LYST: variants seen among roughly 807,000 people sequenced by gnomAD.
LYST encodes lysosomal trafficking regulator.
A neutral mutation model predicts 413.6 loss-of-function variants in LYST; 192 were observed. That is an observed-to-expected ratio of 0.46 (90% CI 0.41 to 0.52). LYST has a LOEUF of 0.52. Ranked by LOEUF, LYST falls within the 20% of genes least tolerant of loss-of-function variation. LYST has a pLI of 0.00. For synonymous variants in LYST, 1,525 were observed against 1,567.3 expected, an observed-to-expected ratio of 0.97 and a Z score of 0.64; for missense variants, 3,815 against 4,499.9, an observed-to-expected ratio of 0.85 and a Z score of 4.35.
chr1:235,755,456 G>A (rs756335976), intron 25 of LYST, 22 bp downstream of exon 25: 8 of 1,574,550 alleles, frequency 5.1e-6, no homozygotes, highest in Non-Finnish European at 5.2e-6. Flanking sequence ...CCCAATTATA[G>A]TGGAGGGAAG....
At chr1:235,772,546 A>G (rs1366821508) in intron 19 of LYST, among the ~76,000 whole-genome samples, 1 of 152,186 alleles carries the variant, frequency 6.6e-6, no homozygotes, top group Non-Finnish European at 1.5e-5. Flanking sequence ...GAAAGGAAAC[A>G]ACCCTATACT....
At position 235,757,828 on chromosome 1, in the gene LYST, T is replaced by C. The variant is rs557187959; in HGVS notation, c.6882-370A>G. Among the ~76,000 whole-genome samples, 4 of 152,138 alleles carry C rather than the reference T, an allele frequency of 2.6e-5. No individual in the cohort carries two copies. The East Asian group carries it at 5.8e-4, about 22-fold the overall frequency. On this transcript the variant is annotated intron_variant, in intron 23 of 52. Transcript: ENST00000389793. ...TATTAGACAGCATGAATAAAACATG[T>C]CCATCATTGCAGAAAGTTTCACTGG...
intron 1 of LYST, among the ~76,000 whole-genome samples, chr1:235,865,352 T>G (rs1217785459): frequency 6.6e-6 from 1 of 152,160 alleles, no homozygotes; most frequent in Non-Finnish European, 1.5e-5. Flanking sequence ...GCTTTTTCTC[T>G]GTAGTACTTA....
chr1:235,796,575 C>G (rs1671574981), intron 10 of LYST, among the ~76,000 whole-genome samples: 1 of 152,136 alleles, frequency 6.6e-6, no homozygotes, highest in Non-Finnish European at 1.5e-5. Flanking sequence ...AATTTGGTTG[C>G]CATTGTGGTA....
chr1:235,801,421 C>CCA (rs1480624297), intron 8 of LYST, among the ~76,000 whole-genome samples: 5 of 151,544 alleles, frequency 3.3e-5, no homozygotes, highest in African/African-American at 1.2e-4. Context: ...TCTGACCCCC[C>CCA]CCTCAAATAC....
chr1:235,875,519 C>T (rs1261790538), intron 1 of LYST, among the ~76,000 whole-genome samples: 3 of 152,130 alleles, frequency 2.0e-5, no homozygotes, highest in Non-Finnish European at 2.9e-5. Flanking sequence ...AAGGACCAGA[C>T]ACCAAAGGAT....
intron 38 of LYST, among the ~76,000 whole-genome samples, chr1:235,727,268 G>A (rs1371083438): frequency 3.3e-5 from 5 of 151,360 alleles, no homozygotes; most frequent in Admixed American, 6.6e-5. Flanking sequence ...GATTATAGGC[G>A]CCACCACCAC....
chr1:235,668,910 A>G (rs1658707948), intron 50 of LYST, among the ~76,000 whole-genome samples: 1 of 152,364 alleles, frequency 6.6e-6, no homozygotes, highest in East Asian at 1.9e-4. Context: ...AAATGTTTTC[A>G]TGACATTATT....
intron 2 of LYST, among the ~76,000 whole-genome samples, chr1:235,832,890 G>A (rs191990716): frequency 9.2e-5 from 14 of 152,060 alleles, no homozygotes; most frequent in East Asian, 3.9e-4. Context: ...TTTGTTTTCC[G>A]TAACATATTC....
At chr1:235,728,550 C>G (rs1213700469) in intron 37 of LYST, among the ~76,000 whole-genome samples, 1 of 152,160 alleles carries the variant, frequency 6.6e-6, no homozygotes, top group Admixed American at 6.5e-5. Context: ...AAAGGGAAAT[C>G]CTTAATTATT....
intron 41 of LYST, 124 bp downstream of exon 41, chr1:235,716,584 TTGTC>T: frequency 1.6e-6 from 1 of 633,598 alleles, no homozygotes; most frequent in South Asian, 2.0e-5. Flanking sequence ...TGATTTCTAG[TTGTC>T]TGTCAATCCT....
chr1:235,692,515 G>A (rs374263042), intron 47 of LYST, among the ~76,000 whole-genome samples: 2 of 151,740 alleles, frequency 1.3e-5, no homozygotes, highest in African/African-American at 4.8e-5. Flanking sequence ...TGAGTAGCTG[G>A]AATTACAGGA....
chr1:235,772,941 C>T (rs1358254805), intron 19 of LYST, among the ~76,000 whole-genome samples: 2 of 152,122 alleles, frequency 1.3e-5, no homozygotes, highest in Non-Finnish European at 2.9e-5. Flanking sequence ...GAAATAAGTG[C>T]CAGATTTCCA....
chr1:235,714,176 G>A (rs143685163), intron 42 of LYST, among the ~76,000 whole-genome samples: 136 of 152,254 alleles, frequency 8.9e-4, no homozygotes, highest in Middle Eastern at 6.8e-3. Context: ...CAGCAAACAA[G>A]GATGGCTTAA....
intron 2 of LYST, among the ~76,000 whole-genome samples, chr1:235,832,541 T>C (rs1572400082): frequency 6.6e-6 from 1 of 152,180 alleles, no homozygotes; most frequent in African/African-American, 2.4e-5. Context: ...TGTATATACA[T>C]GATTACTTGC....
chr1:235,767,820 T>TA (rs1335386385), intron 20 of LYST, among the ~76,000 whole-genome samples: 1 of 152,148 alleles, frequency 6.6e-6, no homozygotes, highest in Non-Finnish European at 1.5e-5. Context: ...TGTAAGTCAT[T>TA]AAGAATTTCT....
intron 45 of LYST, 79 bp from the exon 46 acceptor site, chr1:235,697,351 AAAGT>A (rs1558127115): frequency 4.1e-6 from 4 of 978,750 alleles, no homozygotes; most frequent in African/African-American, 1.7e-5. Context: ...AGCTCTAAAC[AAAGT>A]AAGAGAAAGT....
chr1:235,794,103 G>T (rs1311459843), intron 10 of LYST, among the ~76,000 whole-genome samples: 1 of 152,160 alleles, frequency 6.6e-6, no homozygotes, highest in Non-Finnish European at 1.5e-5. Context: ...AAAGTTCAGG[G>T]ATTACAGGTG....
At position 235,788,865 on chromosome 1, in the gene LYST, G is replaced by A; in HGVS notation, c.4544-20C>T. On this transcript the variant is annotated intron_variant, in intron 12 of 52. Coordinates refer to ENST00000389793, the MANE Select transcript of LYST (RefSeq NM_000081.4). Reference sequence around the variant, plus strand: ...CGCTCTCTATAAGAAAAAGATGTTAGAATGATCAGTAAAATGGTTCGTAAC... The same window carrying A: ...CGCTCTCTATAAGAAAAAGATGTTAAAATGATCAGTAAAATGGTTCGTAAC... The A allele has an allele frequency of 6.2e-7, 1 of 1,611,186 alleles. No homozygotes were observed. The highest frequency in any genetic ancestry group is 8.5e-7 in the Non-Finnish European group (1 of 1,177,556).
Sources: gnomAD v4.1 joint callset for allele counts (sites outside exome capture counted in the v4.1 genomes callset) on GRCh38, gnomAD v4.1.1 for gene constraint, MANE v1.5 for transcripts, NCBI Gene and HGNC (gene_info 2026-07-23, HGNC 2026-07-21) for gene names.